Variants in EIF2B1 observed in about 807,000 individuals in gnomAD.
The protein encoded by EIF2B1 is eukaryotic translation initiation factor 2B subunit alpha.
In EIF2B1, 30 loss-of-function variants were observed where a neutral mutation model predicts 36.8. That is an observed-to-expected ratio of 0.81 (90% CI 0.61 to 1.10). The LOEUF (loss-of-function observed/expected upper bound fraction) is 1.10, where lower values mean the gene tolerates loss of function less well. EIF2B1 is among the 50% of genes least tolerant of loss of function. EIF2B1 has a pLI of 0.00. For synonymous variants in EIF2B1, 139 were observed against 142.2 expected (o/e 0.98, Z 0.16); for missense variants, 271 against 374.8 (o/e 0.72, Z 2.29).
intron 1 of EIF2B1, 61 bp downstream of exon 1, chr12:123,633,484 G>T (rs1195661745): frequency 8.1e-6 from 13 of 1,612,230 alleles, no homozygotes. Context: ...GATGTGAGAG[G>T]TTGGGGGGAC....
Position 123,626,839 on chromosome 12 carries a change from T to G in EIF2B1, c.482+205A>C, listed in dbSNP as rs1284250487. ...TCTGCTCTTCCACGGAGTTAACTACTTAAGTGAAACCCCTAGATCATATAC... is the reference window on the plus strand; with the variant it reads ...TCTGCTCTTCCACGGAGTTAACTACGTAAGTGAAACCCCTAGATCATATAC... On this transcript the variant is annotated intron_variant, in intron 5 of 8. Coordinates refer to ENST00000424014, the MANE Select transcript of EIF2B1 (RefSeq NM_001414.4). 8.5e-6 allele frequency: 6 copies of G among 706,622 alleles called. No individual in the cohort carries two copies. In the African/African-American group the frequency reaches 1.0e-4, roughly 12 times the overall value. 43.8% of individuals were successfully genotyped at this position (706,622 alleles called of 1,614,324 possible). A position where few individuals can be genotyped will look rare whatever the true frequency, so the allele number is the denominator to read the frequency against.
In EIF2B1 at chr12:123,633,675, C is replaced by A. The variant is rs1409826144; in HGVS notation, c.-118G>T. On this transcript the variant is annotated 5_prime_UTR_variant, in exon 1 of 9. Transcript: ENST00000424014. ...CAGCGCGCTGCACACCTCCGCACCC[C>A]ACTTCCGGCGCACTTCCGTACCCCT... 8 of 1,521,602 alleles carry A rather than the reference C, an allele frequency of 5.3e-6. No individual in the cohort carries two copies. The highest frequency in any genetic ancestry group is 4.5e-6 in the Non-Finnish European group (5 of 1,110,614). 94.3% of individuals were successfully genotyped at this position (1,521,602 alleles called of 1,614,324 possible).
intron 2 of EIF2B1, among the ~76,000 whole-genome samples, chr12:123,631,221 CTGT>C (rs1955184281): frequency 6.6e-6 from 1 of 152,192 alleles, no homozygotes; most frequent in African/African-American, 2.4e-5. Flanking sequence ...GATTCAAAGT[CTGT>C]TTCACTTATG....
chr12:123,624,287 G>A (rs1480437193), intron 7 of EIF2B1, among the ~76,000 whole-genome samples: 11 of 143,206 alleles, frequency 7.7e-5, no homozygotes, highest in Non-Finnish European at 1.6e-4. Flanking sequence ...CTGAGACAGG[G>A]TCTCACCATC....
intron 4 of EIF2B1, among the ~76,000 whole-genome samples, chr12:123,628,995 G>A (rs1423148385): frequency 1.3e-5 from 2 of 151,258 alleles, no homozygotes; most frequent in Non-Finnish European, 2.9e-5. Flanking sequence ...GAAGGAGAAG[G>A]CCCCAGCGAG....
Position 123,620,912 on chromosome 12 carries a change from C to T in EIF2B1, c.*844G>A, listed in dbSNP as rs1955084170. On this transcript the variant is annotated 3_prime_UTR_variant, in exon 9 of 9. Coordinates refer to ENST00000424014, the MANE Select transcript of EIF2B1 (RefSeq NM_001414.4). ...AAGAGAATTATAGTTTTTATGCCTCCTGTTGAATAAATGGTGTCCTGATTG... is the reference window on the plus strand; with the variant it reads ...AAGAGAATTATAGTTTTTATGCCTCTTGTTGAATAAATGGTGTCCTGATTG... The T allele has an allele frequency of 6.6e-6, 1 of 151,900 alleles. No individual in the cohort carries two copies. The highest frequency in any genetic ancestry group is 2.4e-5 in the African/African-American group (1 of 41,322). 9.4% of individuals were successfully genotyped at this position (151,900 alleles called of 1,614,324 possible).
At chr12:123,629,523 G>A (rs987015873) in intron 4 of EIF2B1, among the ~76,000 whole-genome samples, 3 of 152,182 alleles carry the variant, frequency 2.0e-5, no homozygotes, top group Non-Finnish European at 4.4e-5. Flanking sequence ...GCCAGGTGCG[G>A]TGGCTCACGC....
At chr12:123,632,747 C>G (rs1302142036) in intron 1 of EIF2B1, among the ~76,000 whole-genome samples, 1 of 151,418 alleles carries the variant, frequency 6.6e-6, no homozygotes, top group Admixed American at 6.6e-5. Context: ...GAGATCGAGA[C>G]CATCCCGGCT....
rs1177077368 is a variant in EIF2B1, at chr12:123,626,509, T to C, written c.483-16A>G. The stretch of plus-strand genomic sequence containing the variant: ...CATTTTCTTACTGAAGATGACATTT[T>C]GAGAACGTTAGAGAAAGTACAAGAC... On this transcript the variant is annotated splice_polypyrimidine_tract_variant and intron_variant, in intron 5 of 8. Transcript: ENST00000424014. 6.2e-7 allele frequency: 1 copy of C among 1,614,074 alleles called. No individual in the cohort carries two copies. The highest frequency in any genetic ancestry group is 1.7e-5 in the Admixed American group (1 of 60,012).
rs150749204 is a variant in EIF2B1 at position 123,624,805 on chromosome 12, G to A, written c.609C>T (p.Asn203=). The change falls in exon 7 of 9, where the codon AAC becomes AAT. Residue 203 remains asparagine, a synonymous_variant. Coordinates refer to ENST00000424014, the MANE Select transcript of EIF2B1 (RefSeq NM_001414.4). ...CTCTTACCTTGTTAATAATTCCTCC[G>A]TTTTCAACAACTCCTTCAGCACCAA... ...VIVGAEGVVE[N]GGIINKIGTN... The A allele has an allele frequency of 7.8e-5, 126 of 1,613,780 alleles. No individual in the cohort carries two copies. The highest frequency in any genetic ancestry group is 1.3e-4 in the Admixed American group (8 of 59,988).
rs1422648801 is a variant in EIF2B1, at chr12:123,621,756, T to C, written c.918A>G (p.Ter306=). ...VSDELIKLYL[*] is the part of the protein sequence containing the mutation. ...ACCTTGGCAGGAAAGGGCTCACAGGTTACAGATAGAGCTTGATGAGCTCAT... is the reference window on the plus strand; with the variant it reads ...ACCTTGGCAGGAAAGGGCTCACAGGCTACAGATAGAGCTTGATGAGCTCAT... The change falls in exon 9 of 9, where the codon TAA becomes TAG. Residue 306 remains the stop codon, a stop_retained_variant. Transcript: ENST00000424014. The C allele has an allele frequency of 6.2e-7, 1 of 1,613,486 alleles. No individual in the cohort carries two copies. Among genetic ancestry groups the C allele is most frequent in the South Asian group, 1.1e-5 (1 of 91,042 alleles).
chr12:123,626,865 T>C (rs1368996709), intron 5 of EIF2B1, 179 bp downstream of exon 5: 1 of 716,098 alleles, frequency 1.4e-6, no homozygotes, highest in East Asian at 2.7e-5. Context: ...GATCATATAC[T>C]GCGGCCTGCT....
intron 6 of EIF2B1, among the ~76,000 whole-genome samples, chr12:123,625,632 C>T (rs1387167549): frequency 6.6e-6 from 1 of 152,196 alleles, no homozygotes; most frequent in Non-Finnish European, 1.5e-5. Context: ...GTTTTCATTC[C>T]AAGAGATCAC....
At chr12:123,625,061 A>G (rs143023464) in intron 6 of EIF2B1, among the ~76,000 whole-genome samples, 199 bp from the exon 7 acceptor site, 1 of 152,092 alleles carries the variant, frequency 6.6e-6, no homozygotes, top group East Asian at 1.9e-4. Context: ...CTACAATGAG[A>G]CATACACTTC....
intron 7 of EIF2B1, 87 bp from the exon 8 acceptor site, chr12:123,622,848 T>C: frequency 1.9e-6 from 3 of 1,592,310 alleles, no homozygotes; most frequent in Admixed American, 1.7e-5. Flanking sequence ...CAGTGGTGCA[T>C]GCCTGTATTC....
intron 1 of EIF2B1, among the ~76,000 whole-genome samples, chr12:123,632,803 G>A (rs532081011): frequency 5.9e-4 from 89 of 151,776 alleles, no homozygotes; most frequent in African/African-American, 1.7e-3. Context: ...AAAATTAGCC[G>A]GGCGTAGTGG....
Position 123,630,886 on chromosome 12 carries a change from G to A in EIF2B1, c.116-353C>T, listed in dbSNP as rs1027878030. ...GCAAGGTGGTATGGGTGAGGCTAAGGTTGTTTGGATGTTATTTTAAGAACA... is the reference window on the plus strand; with the variant it reads ...GCAAGGTGGTATGGGTGAGGCTAAGATTGTTTGGATGTTATTTTAAGAACA... On this transcript the variant is annotated intron_variant, in intron 2 of 8. Coordinates refer to ENST00000424014, the MANE Select transcript of EIF2B1 (RefSeq NM_001414.4). The surrounding 1 kb of genome is among the most constrained non-coding windows in gnomAD (Gnocchi z 4.6). 3.9e-5 allele frequency among the ~76,000 whole-genome samples: 6 copies of A among 152,150 alleles called. No individual in the cohort carries two copies. The highest frequency in any genetic ancestry group is 1.4e-4 in the African/African-American group (6 of 41,420).
chr12:123,622,567 C>T, intron 8 of EIF2B1, 69 bp downstream of exon 8: 1 of 1,604,416 alleles, frequency 6.2e-7, no homozygotes, highest in Non-Finnish European at 8.5e-7. Flanking sequence ...CTGGAACATT[C>T]TTAGGACTAC....
chr12:123,627,272 TC>T, intron 4 of EIF2B1, 116 bp from the exon 5 acceptor site: 1 of 845,924 alleles, frequency 1.2e-6, no homozygotes, highest in South Asian at 1.4e-5. Flanking sequence ...TTCTCACAAA[TC>T]AACCACAACC....
Sources: allele counts gnomAD v4.1 joint callset (sites outside exome capture counted in the v4.1 genomes callset), GRCh38; gene constraint gnomAD v4.1.1; non-coding constraint Gnocchi (gnomAD v3.1); transcripts MANE v1.5; gene names NCBI Gene and HGNC (gene_info 2026-07-23, HGNC 2026-07-21).